Variants in C6orf132 observed in about 807,000 individuals in gnomAD.
C6orf132 encodes the protein chromosome 6 open reading frame 132.
In C6orf132, 43 loss-of-function variants were observed where a neutral mutation model predicts 65.3. That is an observed-to-expected ratio of 0.66 (90% confidence interval 0.52 to 0.85). C6orf132 has a LOEUF of 0.85. C6orf132 is among the 40% of genes least tolerant of loss of function. C6orf132 has a pLI of 0.00. For synonymous variants in C6orf132, 631 were observed against 654.1 expected (o/e 0.96, Z 0.54); for missense variants, 1,488 against 1,548.8 (o/e 0.96, Z 0.66).
intron 3 of C6orf132, 110 bp from the exon 4 acceptor site, chr6:42,107,693 A>G: frequency 1.5e-6 from 2 of 1,305,678 alleles, no homozygotes; most frequent in South Asian, 1.4e-5. Context: ...GAATGACTGG[A>G]TCATTTTCTC....
rs1038974175 is a variant in C6orf132, at chr6:42,103,152, C to G, written c.*609G>C. The G allele has an allele frequency of 2.5e-6, 1 of 398,600 alleles. No homozygotes were observed. Among genetic ancestry groups the G allele is most frequent in the African/African-American group, 2.1e-5 (1 of 48,642 alleles). 24.7% of individuals were successfully genotyped at this position (398,600 alleles called of 1,614,324 possible). A position where few individuals can be genotyped will look rare whatever the true frequency, so the allele number is the denominator to read the frequency against. On this transcript the variant is annotated 3_prime_UTR_variant, in exon 5 of 5. Coordinates refer to ENST00000341865, the MANE Select transcript of C6orf132 (RefSeq NM_001164446.3). The stretch of plus-strand genomic sequence containing the variant: ...TTCCACATGTGGGAGCTTCACTCCC[C>G]ACCCCACACATGGTCCTTCTCCACA...
intron 2 of C6orf132, among the ~76,000 whole-genome samples, chr6:42,110,696 A>T (rs1379810040): frequency 1.3e-5 from 2 of 152,212 alleles, no homozygotes; most frequent in African/African-American, 4.8e-5. Flanking sequence ...GTTAACATTG[A>T]ACTCATGGCC....
At chr6:42,122,582 C>A (rs2127477081) in intron 2 of C6orf132, among the ~76,000 whole-genome samples, 1 of 152,268 alleles carries the variant, frequency 6.6e-6, no homozygotes, top group Admixed American at 6.5e-5. Context: ...GCCTAACACC[C>A]CACACCCCTC....
At chr6:42,110,775 A>C (rs1766482565) in intron 2 of C6orf132, among the ~76,000 whole-genome samples, 1 of 152,262 alleles carries the variant, frequency 6.6e-6, no homozygotes, top group Admixed American at 6.5e-5. Flanking sequence ...TAAAACAAGA[A>C]GGCATAGAAT....
chr6:42,107,261 AG>A lies in C6orf132; in HGVS notation c.650del (p.Pro217LeufsTer8). 4.7e-6 allele frequency: 1 copy of A among 212,658 alleles called. No homozygotes were observed. Among genetic ancestry groups the A allele is most frequent in the Non-Finnish European group, 7.3e-6 (1 of 137,774 alleles). The allele number at this position is 212,658 out of a possible 1,614,324, so 13.2% of individuals were successfully genotyped here. On this transcript the variant is annotated frameshift_variant, in exon 4 of 5. Transcript: ENST00000341865. LOFTEE classifies it high-confidence loss of function. The stretch of plus-strand genomic sequence containing the variant: ...GGGCTAGAAAGGCCAAGGGTGGGGC[AG>A]GGGGAATGAAGTCAGGAGGGGTGGG... ...SIPTPPDFIP[P>X]APPLAFLAPP...
chr6:42,112,057 C>T (rs1290665185), intron 2 of C6orf132, among the ~76,000 whole-genome samples: 2 of 152,206 alleles, frequency 1.3e-5, no homozygotes, highest in African/African-American at 4.8e-5. Context: ...AGTCCGTGTT[C>T]ATCCATGATG....
chr6:42,134,695 A>ACTCC (rs1766910715), intron 1 of C6orf132, among the ~76,000 whole-genome samples: 1 of 149,404 alleles, frequency 6.7e-6, no homozygotes, highest in African/African-American at 2.5e-5. Flanking sequence ...AATTGCTTGA[A>ACTCC]CCGGGGAGGC....
In C6orf132 at chr6:42,107,150, A is replaced by G. The variant is rs1297698040; in HGVS notation, c.762T>C (p.Gly254=). The change falls in exon 4 of 5, where the codon GGT becomes GGC. Residue 254 remains glycine, a synonymous_variant. Coordinates refer to ENST00000341865, the MANE Select transcript of C6orf132 (RefSeq NM_001164446.3). ...CTACATCTGATTTCCACTTGGTGAC[A>G]CCCCCAGGGGGAAAGAGACGAGTCC... The part of the protein sequence containing the change: ...TVGTRLFPPG[G]VTKWKSDVAL... 1 of 1,381,862 alleles carries G rather than the reference A, an allele frequency of 7.2e-7. No individual in the cohort carries two copies. Among genetic ancestry groups the G allele is most frequent in the Middle Eastern group, 1.9e-4 (1 of 5,322 alleles). 85.6% of individuals were successfully genotyped at this position (1,381,862 alleles called of 1,614,324 possible).
chr6:42,138,649 TAGGAAAG>T (rs1449030264), intron 1 of C6orf132, among the ~76,000 whole-genome samples: 1 of 151,916 alleles, frequency 6.6e-6, no homozygotes, highest in Non-Finnish European at 1.5e-5. Context: ...AGGAACGGGG[TAGGAAAG>T]AGAGTCCTCT....
chr6:42,138,051 C>T (rs1444403045), intron 1 of C6orf132, among the ~76,000 whole-genome samples: 1 of 152,164 alleles, frequency 6.6e-6, no homozygotes, highest in African/African-American at 2.4e-5. Context: ...GATCGAGACT[C>T]CGTCTCAAAA....
At position 42,105,515 on chromosome 6, in the gene C6orf132, C is replaced by T; in HGVS notation, c.2397G>A (p.Glu799=). 1.3e-6 allele frequency: 2 copies of T among 1,532,954 alleles called. No homozygotes were observed. The highest frequency in any genetic ancestry group is 1.2e-5 in the South Asian group (1 of 83,954). 95.0% of individuals were successfully genotyped at this position (1,532,954 alleles called of 1,614,324 possible). A position where few individuals can be genotyped will look rare whatever the true frequency, so the allele number is the denominator to read the frequency against. Residue 799 remains glutamate (E), a synonymous_variant, in exon 4 of 5, where the codon GAG becomes GAA. Transcript: ENST00000341865. The part of the protein sequence containing the change: ...LARGGAAGPG[E]PVEVKEPPGL... The stretch of plus-strand genomic sequence containing the variant: ...CTGGGGGCTCCTTCACCTCCACGGG[C>T]TCCCCTGGCCCTGCAGCCCCTCCTC...
rs1582271255 is a variant in C6orf132 at position 42,110,100 on chromosome 6, G to A, written c.328+116C>T. 1.8e-5 allele frequency: 14 copies of A among 792,226 alleles called. No individual in the cohort carries two copies. The East Asian group carries it at 4.1e-4, about 23-fold the overall frequency. The allele number at this position is 792,226 out of a possible 1,614,324, so 49.1% of individuals were successfully genotyped here. The stretch of plus-strand genomic sequence containing the variant: ...GACTGAGGATGGCGAGAGTGGCTGT[G>A]CCTGAGGACTCTGGCTTTGTCACCA... On this transcript the variant is annotated intron_variant, in intron 3 of 4. Transcript: ENST00000341865.
At chr6:42,138,645 G>C (rs192869613) in intron 1 of C6orf132, among the ~76,000 whole-genome samples, 1 of 152,144 alleles carries the variant, frequency 6.6e-6, no homozygotes, top group African/African-American at 2.4e-5. Flanking sequence ...TTAGAGGAAC[G>C]GGGTAGGAAA....
Position 42,142,482 on chromosome 6 carries a change from C to T in C6orf132, c.-38G>A, listed in dbSNP as rs1199372234. 1 of 1,540,586 alleles carries T rather than the reference C, an allele frequency of 6.5e-7. No homozygotes were observed. The highest frequency in any genetic ancestry group is 8.8e-7 in the Non-Finnish European group (1 of 1,141,970). The stretch of plus-strand genomic sequence containing the variant: ...CGCGCGGGCGCCAGGGAAGGACCTT[C>T]CCTCCCTCGCCCTGCCCTGCCCCGG... On this transcript the variant is annotated 5_prime_UTR_variant, in exon 1 of 5. Coordinates refer to ENST00000341865, the MANE Select transcript of C6orf132 (RefSeq NM_001164446.3).
At chr6:42,123,589 G>C (rs1457170811) in intron 2 of C6orf132, among the ~76,000 whole-genome samples, 6 of 151,180 alleles carry the variant, frequency 4.0e-5, no homozygotes, top group Non-Finnish European at 8.8e-5. Flanking sequence ...GAAGAAAGAA[G>C]AAGAAGAAAG....
In C6orf132 at chr6:42,105,831, G is replaced by A. The variant is rs1766392370; in HGVS notation, c.2081C>T (p.Thr694Ile). 6.5e-7 allele frequency: 1 copy of A among 1,537,324 alleles called. No individual in the cohort carries two copies. The highest frequency in any genetic ancestry group is 8.7e-7 in the Non-Finnish European group (1 of 1,146,926). The change falls in exon 4 of 5, where the codon ACA becomes ATA. Residue 694 changes from threonine to isoleucine, a missense_variant. Coordinates refer to ENST00000341865, the MANE Select transcript of C6orf132 (RefSeq NM_001164446.3). ...KATSGPAIAS[T>I]ATTLPTTTSQ... ...TGTGGTGGTGGGCAGAGTTGTGGCTGTAGATGCTATGGCAGGGCCAGATGT... is the reference window on the plus strand; with the variant it reads ...TGTGGTGGTGGGCAGAGTTGTGGCTATAGATGCTATGGCAGGGCCAGATGT...
intron 1 of C6orf132, 146 bp from the exon 2 acceptor site, chr6:42,128,924 A>G: frequency 1.6e-6 from 1 of 622,758 alleles, no homozygotes; most frequent in Non-Finnish European, 2.9e-6. Flanking sequence ...CCTCTAACAT[A>G]ATCAGATCTT....
In C6orf132 at chr6:42,105,716, C is replaced by G; in HGVS notation, c.2196G>C (p.Arg732Ser). The change falls in exon 4 of 5, where the codon AGG (arginine) becomes AGC (serine). Residue 732 changes from arginine to serine, a missense_variant. Physicochemically the swap from Arg to Ser is moderately radical, Grantham distance 110. Transcript: ENST00000341865. ...SQEVSTPSQA[R>S]GEGSPSEATR... is the part of the protein sequence containing the mutation. ...TGGCCTCTGAGGGGGACCCCTCTCC[C>G]CTTGCCTGGGAGGGAGTGGAAACTT... is the stretch of plus-strand genomic sequence containing the variant. 1 of 1,537,328 alleles carries G rather than the reference C, an allele frequency of 6.5e-7. No homozygotes were observed. Among genetic ancestry groups the G allele is most frequent in the Non-Finnish European group, 8.7e-7 (1 of 1,146,932 alleles).
In C6orf132 at chr6:42,104,320, G is replaced by A. The variant is rs886549473; in HGVS notation, c.3449+143C>T. 2.5e-6 allele frequency: 3 copies of A among 1,210,614 alleles called. No individual in the cohort carries two copies. The highest frequency in any genetic ancestry group is 8.6e-5 in the South Asian group (2 of 23,212). 75.0% of individuals were successfully genotyped at this position (1,210,614 alleles called of 1,614,324 possible). A position where few individuals can be genotyped will look rare whatever the true frequency, so the allele number is the denominator to read the frequency against. On this transcript the variant is annotated intron_variant, in intron 4 of 4. Coordinates refer to ENST00000341865, the MANE Select transcript of C6orf132 (RefSeq NM_001164446.3). The surrounding 1 kb of genome is among the most constrained non-coding windows in gnomAD (Gnocchi z 4.1). ...CGCCAACAGCGCCCTCTCCCGGTAAGTGGGCCTCCCTCCCGCGTTCTACCT... is the reference window on the plus strand; with the variant it reads ...CGCCAACAGCGCCCTCTCCCGGTAAATGGGCCTCCCTCCCGCGTTCTACCT...
Sources: gnomAD v4.1 joint callset for allele counts (sites outside exome capture counted in the v4.1 genomes callset) on GRCh38, gnomAD v4.1.1 for gene constraint, Gnocchi (gnomAD v3.1) non-coding constraint, MANE v1.5 for transcripts, NCBI Gene and HGNC (gene_info 2026-07-23, HGNC 2026-07-21) for gene names.